Variants in CTNNA3 observed in about 807,000 individuals in gnomAD.
CTNNA3 encodes the protein catenin alpha 3.
In CTNNA3, 76 loss-of-function variants were observed where a neutral mutation model predicts 95.7. The observed-to-expected ratio is 0.79, with a 90% CI of 0.66 to 0.96. CTNNA3 has a LOEUF of 0.96. Among genes scored for constraint, CTNNA3 ranks in the 40% least tolerant of loss-of-function variants. The probability of loss-of-function intolerance (pLI) is 0.00; values close to 1 mark genes in which losing one functional copy is unlikely to be tolerated. For synonymous variants in CTNNA3, 431 were observed against 374.4 expected, an observed-to-expected ratio of 1.15 and a Z score of -1.74; for missense variants, 1,191 against 1,089.8, an observed-to-expected ratio of 1.09 and a Z score of -1.31.
chr10:66,166,491 T>C (rs1217955397), intron 13 of CTNNA3, among the ~76,000 whole-genome samples: 3 of 105,214 alleles, frequency 2.9e-5, no homozygotes, highest in Non-Finnish European at 5.6e-5. Context: ...AGAGTGACAG[T>C]CTGTCTCAAA....
chr10:66,751,204 G>A (rs559144854), intron 9 of CTNNA3, among the ~76,000 whole-genome samples: 22 of 152,024 alleles, frequency 1.4e-4, no homozygotes, highest in Non-Finnish European at 2.5e-4. Flanking sequence ...GGAGGCAGAG[G>A]TTGCAGTGAG....
At chr10:66,197,465 A>G (rs1440322036) in intron 13 of CTNNA3, among the ~76,000 whole-genome samples, 1 of 152,184 alleles carries the variant, frequency 6.6e-6, no homozygotes, top group Admixed American at 6.6e-5. Flanking sequence ...CTAGACAAAC[A>G]CATAACTCTA....
chr10:67,554,001 C>T lies in CTNNA3; in HGVS notation c.293-14332G>A, dbSNP rs190616233. Reference sequence around the variant, plus strand: ...TTCAATGACCACCTATGAGTGAGAACATACAGTGTTTGGTTTTCTGTCCTT... The same window carrying T: ...TTCAATGACCACCTATGAGTGAGAATATACAGTGTTTGGTTTTCTGTCCTT... On this transcript the variant is annotated intron_variant, in intron 3 of 17. Coordinates refer to ENST00000433211, the MANE Select transcript of CTNNA3 (RefSeq NM_013266.4). Among the ~76,000 whole-genome samples, 9 of 152,258 alleles carry T rather than the reference C, an allele frequency of 5.9e-5. No individual in the cohort carries two copies. In the East Asian group the frequency reaches 1.2e-3, roughly 20 times the overall value.
At chr10:66,159,968 G>C (rs572114955) in intron 13 of CTNNA3, among the ~76,000 whole-genome samples, 97 of 152,058 alleles carry the variant, frequency 6.4e-4, no homozygotes, top group African/African-American at 2.3e-3. Context: ...TTTACATAAA[G>C]ATGTTCATAG....
chr10:66,575,695 G>T (rs1842984263), intron 10 of CTNNA3, among the ~76,000 whole-genome samples: 1 of 152,068 alleles, frequency 6.6e-6, no homozygotes, highest in Non-Finnish European at 1.5e-5. Context: ...ATTCCATTCT[G>T]CTTTCTCTCC....
intron 9 of CTNNA3, among the ~76,000 whole-genome samples, chr10:66,718,533 C>T (rs1011677961): frequency 4.6e-5 from 7 of 151,300 alleles, no homozygotes; most frequent in Non-Finnish European, 1.5e-5. Context: ...CAGTATGCTC[C>T]CCATTATATA....
At chr10:66,020,782 C>T (rs2079187598) in intron 15 of CTNNA3, among the ~76,000 whole-genome samples, 1 of 151,784 alleles carries the variant, frequency 6.6e-6, no homozygotes, top group Non-Finnish European at 1.5e-5. Flanking sequence ...CGCCATTCTC[C>T]CACCTCAGCC....
intron 15 of CTNNA3, among the ~76,000 whole-genome samples, chr10:66,033,781 A>T (rs984504375): frequency 2.6e-5 from 4 of 152,140 alleles, no homozygotes; most frequent in Non-Finnish European, 5.9e-5. Flanking sequence ...ACCCAACCAG[A>T]TGACATTTTT....
chr10:66,411,247 T>C (rs1189498906), intron 11 of CTNNA3, among the ~76,000 whole-genome samples: 2 of 148,522 alleles, frequency 1.3e-5, no homozygotes, highest in East Asian at 3.9e-4. Context: ...TCTTAAAGTA[T>C]AGACCAGAAT....
intron 13 of CTNNA3, among the ~76,000 whole-genome samples, chr10:66,207,724 A>C (rs1408032842): frequency 6.6e-6 from 1 of 152,066 alleles, no homozygotes; most frequent in East Asian, 1.9e-4. Context: ...TATAAATATA[A>C]TAATCGCTTT....
At chr10:67,426,935 A>G (rs1374855594) in intron 5 of CTNNA3, among the ~76,000 whole-genome samples, 2 of 152,118 alleles carry the variant, frequency 1.3e-5, no homozygotes, top group Admixed American at 1.3e-4. Context: ...GTACAGGAAG[A>G]AACAGTATTT....
intron 13 of CTNNA3, among the ~76,000 whole-genome samples, chr10:66,199,585 A>AGTTTGTTT (rs534955423): frequency 1.3e-5 from 2 of 150,262 alleles, no homozygotes; most frequent in African/African-American, 2.4e-5. Flanking sequence ...CAGACCAAAT[A>AGTTTGTTT]GTTTGTTTGT....
At position 66,225,034 on chromosome 10, in the gene CTNNA3, G is replaced by A. The variant is rs143850696; in HGVS notation, c.1884+55436C>T. The stretch of plus-strand genomic sequence containing the variant: ...CCTCAAAAATTTATCATTTCTTTGC[G>A]CTAGGAACATTTAAAATCCTTTCTT... On this transcript the variant is annotated intron_variant, in intron 13 of 17. Coordinates refer to ENST00000433211, the MANE Select transcript of CTNNA3 (RefSeq NM_013266.4). Among the ~76,000 whole-genome samples the A allele has an allele frequency of 4.5e-3, 676 of 151,784 alleles. 1 individual carries two copies. The highest frequency in any genetic ancestry group is 0.015 in the African/African-American group (615 of 41,404).
At chr10:66,707,514 A>T (rs1255192165) in intron 9 of CTNNA3, among the ~76,000 whole-genome samples, 1 of 152,022 alleles carries the variant, frequency 6.6e-6, no homozygotes, top group Non-Finnish European at 1.5e-5. Context: ...AGATTTCCTG[A>T]ATTATTCCCT....
intron 11 of CTNNA3, among the ~76,000 whole-genome samples, chr10:66,451,707 T>C (rs1420668189): frequency 2.6e-5 from 4 of 152,190 alleles, no homozygotes; most frequent in African/African-American, 9.6e-5. Context: ...TACATAATTA[T>C]GTGAGTTAAA....
intron 17 of CTNNA3, among the ~76,000 whole-genome samples, chr10:65,922,975 C>T (rs745533787): frequency 3.9e-5 from 6 of 152,028 alleles, no homozygotes; most frequent in African/African-American, 9.7e-5. Flanking sequence ...ATAAAACCAT[C>T]GATCTCATGA....
chr10:67,689,212 C>T (rs1420231871), intron 1 of CTNNA3, among the ~76,000 whole-genome samples: 1 of 152,156 alleles, frequency 6.6e-6, no homozygotes, highest in East Asian at 1.9e-4. Flanking sequence ...AAGAGTGATG[C>T]TTTTTGTCCT....
intron 5 of CTNNA3, among the ~76,000 whole-genome samples, chr10:67,367,753 T>C (rs1843269467): frequency 6.6e-6 from 1 of 152,112 alleles, no homozygotes; most frequent in East Asian, 1.9e-4. Flanking sequence ...TTTGCACCAA[T>C]ATGGCTGCAG....
At chr10:67,491,352 C>T (rs995753181) in intron 5 of CTNNA3, among the ~76,000 whole-genome samples, 1 of 152,200 alleles carries the variant, frequency 6.6e-6, no homozygotes, top group Non-Finnish European at 1.5e-5. Context: ...GAAACATTCT[C>T]TATGACTTCA....
Sources: allele counts gnomAD v4.1 joint callset (sites outside exome capture counted in the v4.1 genomes callset), GRCh38; gene constraint gnomAD v4.1.1; transcripts MANE v1.5; gene names NCBI Gene and HGNC (gene_info 2026-07-23, HGNC 2026-07-21).